FBXL13: variants seen among roughly 807,000 people sequenced by gnomAD.
FBXL13 encodes F-box and leucine rich repeat protein 13, also known as F-box and leucine-rich repeat protein 13.
FBXL13 carries 67 observed loss-of-function variants against 83.6 expected under a neutral mutation model. The observed-to-expected ratio is 0.80, with a 90% CI of 0.66 to 0.98. The LOEUF is 0.98. Among genes scored for constraint, FBXL13 ranks in the 50% least tolerant of loss-of-function variants. FBXL13 has a pLI of 0.00. For synonymous variants in FBXL13, 272 were observed against 299.5 expected (o/e 0.91, Z 0.95); for missense variants, 822 against 866.5 (o/e 0.95, Z 0.64).
chr7:102,913,199 G>T (rs1416180875), exon 11 of FBXL13: 7 of 1,614,154 alleles, frequency 4.3e-6, no homozygotes, highest in Non-Finnish European at 5.9e-6. Context: ...CTAAGATTCT[G>T]TAAGTTGTGG....
chr7:102,863,412 C>T (rs1222527708), intron 16 of FBXL13, among the ~76,000 whole-genome samples: 5 of 151,526 alleles, frequency 3.3e-5, no homozygotes, highest in Admixed American at 1.3e-4. Flanking sequence ...AAAAGTCCCC[C>T]GACAGTCAGT....
chr7:102,997,995 CT>C (rs1349396808), intron 6 of FBXL13, among the ~76,000 whole-genome samples: 2 of 152,166 alleles, frequency 1.3e-5, no homozygotes, highest in East Asian at 3.9e-4. Flanking sequence ...TCCACATTGT[CT>C]TCCATATCAC....
intron 2 of FBXL13, among the ~76,000 whole-genome samples, 160 bp from the exon 4 acceptor site, chr7:103,029,578 T>C (rs1403553251): frequency 1.3e-5 from 2 of 152,174 alleles, no homozygotes; most frequent in African/African-American, 4.8e-5. Context: ...ATATACTATT[T>C]ATGTTTTGGA....
chr7:102,971,739 T>C (rs529538151), intron 6 of FBXL13, among the ~76,000 whole-genome samples: 1 of 151,784 alleles, frequency 6.6e-6, no homozygotes, highest in African/African-American at 2.4e-5. Flanking sequence ...CTCTAAAAAA[T>C]TTAAGGCCAG....
At chr7:102,935,242 C>CTTTTTTTTTTT (rs71106700) in intron 8 of FBXL13, among the ~76,000 whole-genome samples, 1 of 76,402 alleles carries the variant, frequency 1.3e-5, no homozygotes, top group African/African-American at 5.8e-5. Context: ...TTTTTTCTTT[C>CTTTTTTTTTTT]TTTTTTTTTT....
At chr7:103,017,380 CAG>C (rs1792483419) in intron 6 of FBXL13, among the ~76,000 whole-genome samples, 1 of 152,050 alleles carries the variant, frequency 6.6e-6, no homozygotes, top group African/African-American at 2.4e-5. Context: ...GGGGAAAAAA[CAG>C]AGCAGAAAAG....
intron 6 of FBXL13, among the ~76,000 whole-genome samples, chr7:103,017,534 A>G (rs970712301): frequency 6.6e-6 from 1 of 152,232 alleles, no homozygotes; most frequent in Admixed American, 6.5e-5. Context: ...TCCAAGCTAA[A>G]GAGGAAGTTC....
At chr7:102,944,826 G>A in intron 8 of FBXL13, 1 of 463,040 alleles carries the variant, frequency 2.2e-6, no homozygotes, top group Middle Eastern at 5.5e-4. Flanking sequence ...CTGGTGATAT[G>A]CAATTCCACA....
At chr7:102,924,617 C>T (rs1225684727) in intron 10 of FBXL13, among the ~76,000 whole-genome samples, 4 of 149,778 alleles carry the variant, frequency 2.7e-5, no homozygotes, top group East Asian at 1.9e-4. Flanking sequence ...AAATTATCAC[C>T]GAGAATTTTC....
At chr7:103,070,714 G>T (rs567635880) in intron 1 of FBXL13, among the ~76,000 whole-genome samples, 1 of 152,296 alleles carries the variant, frequency 6.6e-6, no homozygotes, top group Admixed American at 6.5e-5. Flanking sequence ...AAGGCAAAGG[G>T]AGCCAGCATG....
intron 6 of FBXL13, among the ~76,000 whole-genome samples, chr7:103,024,135 A>AAGAGAGAGAGAG (rs59206823): frequency 0.024 from 2,353 of 96,322 alleles, 153 homozygotes; most frequent in Non-Finnish European, 0.038. Flanking sequence ...AAAAGTTAAA[A>AAGAGAGAGAGAG]AGAGAGAGAG....
intron 6 of FBXL13, among the ~76,000 whole-genome samples, chr7:102,979,225 G>T (rs1827888208): frequency 1.3e-5 from 2 of 152,272 alleles, no homozygotes; most frequent in South Asian, 4.1e-4. Flanking sequence ...AGATTCCAAG[G>T]TGTCAGGAAG....
At chr7:102,872,134 G>C (rs1156949004) in intron 16 of FBXL13, among the ~76,000 whole-genome samples, 1 of 152,128 alleles carries the variant, frequency 6.6e-6, no homozygotes, top group Non-Finnish European at 1.5e-5. Context: ...CTTGAACAAG[G>C]ATACATTCAC....
At chr7:102,934,388 C>CG (rs770676250) in intron 8 of FBXL13, 1 of 1,614,158 alleles carries the variant, frequency 6.2e-7, no homozygotes, top group African/African-American at 1.3e-5. Flanking sequence ...GAGCTACCTG[C>CG]GTCTTTATGA....
intron 8 of FBXL13, among the ~76,000 whole-genome samples, chr7:102,948,621 C>T (rs774656486): frequency 3.3e-5 from 5 of 151,978 alleles, no homozygotes; most frequent in Non-Finnish European, 7.4e-5. Flanking sequence ...GATGGGGTTT[C>T]ACCATGTTAG....
chr7:103,000,911 C>G (rs761516963), intron 6 of FBXL13, among the ~76,000 whole-genome samples: 6 of 152,114 alleles, frequency 3.9e-5, no homozygotes, highest in Non-Finnish European at 7.4e-5. Context: ...TACTCCTGCT[C>G]TTTTTTGGTT....
At chr7:103,056,286 G>C (rs1307163829) in intron 1 of FBXL13, among the ~76,000 whole-genome samples, 4 of 152,022 alleles carry the variant, frequency 2.6e-5, no homozygotes, top group African/African-American at 9.7e-5. Flanking sequence ...ACTTGGGCTG[G>C]TTCCATATTT....
At chr7:103,022,407 C>A (rs1300266215) in intron 6 of FBXL13, among the ~76,000 whole-genome samples, 1 of 151,898 alleles carries the variant, frequency 6.6e-6, no homozygotes. Flanking sequence ...TGCAGCACAC[C>A]AACATGGCAC....
At chr7:102,900,323 G>C (rs764913466) in intron 11 of FBXL13, among the ~76,000 whole-genome samples, 4 of 152,194 alleles carry the variant, frequency 2.6e-5, no homozygotes, top group Admixed American at 1.3e-4. Flanking sequence ...GCAGTGCCCA[G>C]TATGCATCAG....
Sources: allele counts gnomAD v4.1 joint callset (sites outside exome capture counted in the v4.1 genomes callset), GRCh38; gene constraint gnomAD v4.1.1; transcripts MANE v1.5; gene names NCBI Gene and HGNC (gene_info 2026-07-23, HGNC 2026-07-21).